NPTXR: variants seen among roughly 807,000 people sequenced by gnomAD.
NPTXR encodes neuronal pentraxin receptor.
NPTXR carries 12 observed loss-of-function variants against 32.2 expected under a neutral mutation model. That is an observed-to-expected ratio of 0.37 (90% CI 0.24 to 0.60). The LOEUF (loss-of-function observed/expected upper bound fraction) is 0.60. Among genes scored for constraint, NPTXR ranks in the 20% least tolerant of loss-of-function variants. NPTXR has a pLI of 0.66. For synonymous variants in NPTXR, 323 were observed against 315.8 expected (o/e 1.02, Z -0.24); for missense variants, 612 against 682.9 (o/e 0.90, Z 1.16).
In NPTXR at chr22:38,828,325, A is replaced by G. The variant is rs146892527; in HGVS notation, c.812T>C (p.Leu271Ser). The G allele has an allele frequency of 1.2e-6, 2 of 1,613,564 alleles. No homozygotes were observed. Among genetic ancestry groups the G allele is most frequent in the Non-Finnish European group, 1.7e-6 (2 of 1,180,020 alleles). The stretch of plus-strand genomic sequence containing the variant: ...AGCCACACGACCCTGCAGGACGTCC[A>G]ACTCCTTTTCCACTTCCTGCCTCTG... The change falls in exon 2 of 5, where the codon TTG becomes TCG. Residue 271 changes from leucine (L) to serine (S), a missense_variant. Physicochemically the swap from Leu to Ser is moderately radical, Grantham distance 145 (BLOSUM62 -2). Transcript: ENST00000333039.
rs956174986 is a variant in NPTXR, at chr22:38,819,493, T to C, written c.*3116A>G. ...TGGAGCAATGGTGCCCAGATGGCAC[T>C]CTACACAGGTGAGTGGGAACTCAGC... On this transcript the variant is annotated 3_prime_UTR_variant, in exon 5 of 5. Transcript: ENST00000333039. 6 of 152,294 alleles carry C rather than the reference T, an allele frequency of 3.9e-5. No individual in the cohort carries two copies. Among genetic ancestry groups the C allele is most frequent in the African/African-American group, 1.2e-4 (5 of 41,482 alleles). 9.4% of individuals were successfully genotyped at this position (152,294 alleles called of 1,614,324 possible). A position where few individuals can be genotyped will look rare whatever the true frequency, so the allele number is the denominator to read the frequency against.
chr22:38,835,713 C>T (rs1194586416), intron 1 of NPTXR, among the ~76,000 whole-genome samples: 3 of 152,170 alleles, frequency 2.0e-5, no homozygotes, highest in Non-Finnish European at 4.4e-5. Context: ...GGAGGTCCCC[C>T]ACCCCTAGCC....
chr22:38,835,063 A>G (rs1477044410), intron 1 of NPTXR, among the ~76,000 whole-genome samples: 1 of 152,188 alleles, frequency 6.6e-6, no homozygotes, highest in Non-Finnish European at 1.5e-5. Context: ...TAATAGTACC[A>G]TAGTTCTTGT....
Position 38,826,723 on chromosome 22 carries a change from T to C in NPTXR, c.875A>G (p.Asp292Gly). The change falls in exon 3 of 5, where the codon GAT becomes GGT. Residue 292 changes from aspartate to glycine, a missense_variant. Coordinates refer to ENST00000333039, the MANE Select transcript of NPTXR (RefSeq NM_014293.4). ...GATGGGGATGCTGATCTTGAAGGCA[T>C]CTGGAGGACTGTAGGCTGAGGACCC... is the stretch of plus-strand genomic sequence containing the variant. 1 of 1,614,026 alleles carries C rather than the reference T, an allele frequency of 6.2e-7. No homozygotes were observed. Among genetic ancestry groups the C allele is most frequent in the Non-Finnish European group, 8.5e-7 (1 of 1,179,966 alleles).
At chr22:38,825,442 G>T (rs2093104884) in intron 3 of NPTXR, among the ~76,000 whole-genome samples, 1 of 152,100 alleles carries the variant, frequency 6.6e-6, no homozygotes, top group South Asian at 2.1e-4. Flanking sequence ...TGAGTAAACT[G>T]CTTATTAGCA....
At chr22:38,841,261 G>A (rs532955189) in intron 1 of NPTXR, among the ~76,000 whole-genome samples, 13 of 152,358 alleles carry the variant, frequency 8.5e-5, no homozygotes, top group East Asian at 3.9e-4. Flanking sequence ...GCAGGGCCCC[G>A]CCCTTCTCTG....
chr22:38,838,415 A>C (rs563639286), intron 1 of NPTXR, among the ~76,000 whole-genome samples: 1 of 152,126 alleles, frequency 6.6e-6, no homozygotes, highest in African/African-American at 2.4e-5. Context: ...TATTATCAGC[A>C]GCAGCAGCAG....
chr22:38,826,967 C>A (rs1317535394), intron 2 of NPTXR, among the ~76,000 whole-genome samples: 1 of 152,226 alleles, frequency 6.6e-6, no homozygotes, highest in East Asian at 1.9e-4. Flanking sequence ...GTCTCCCCCA[C>A]TTCCCAGCCA....
chr22:38,831,575 T>C (rs963430603), intron 1 of NPTXR, among the ~76,000 whole-genome samples: 1 of 152,108 alleles, frequency 6.6e-6, no homozygotes, highest in African/African-American at 2.4e-5. Context: ...CAGGTGACAC[T>C]GGATGGCCCA....
At chr22:38,828,154 C>A (rs552745229) in intron 2 of NPTXR, 133 bp downstream of exon 2, 17 of 679,178 alleles carry the variant, frequency 2.5e-5, no homozygotes, top group African/African-American at 2.5e-4. Flanking sequence ...ATTCTCTCCA[C>A]TGTGTGTTCC....
rs775381952 is a variant in NPTXR, at chr22:38,826,633, C to T, written c.965G>A (p.Cys322Tyr). 1 of 1,614,264 alleles carries T rather than the reference C, an allele frequency of 6.2e-7. No individual in the cohort carries two copies. The highest frequency in any genetic ancestry group is 1.1e-5 in the South Asian group (1 of 91,090). The change falls in exon 3 of 5, where the codon TGC (cysteine) becomes TAC (tyrosine). Residue 322 changes from cysteine (C) to tyrosine (Y), a missense_variant. By Grantham distance (194) the Cys-to-Tyr change is radical (BLOSUM62 -2). Transcript: ENST00000333039. The stretch of plus-strand genomic sequence containing the variant: ...GCTGGACCTGGACCGCAGCCACATG[C>T]AGGCGGTGAATGCGTAGAGCTCGGG...
chr22:38,824,982 G>A (rs546572290), intron 3 of NPTXR, among the ~76,000 whole-genome samples: 4 of 152,330 alleles, frequency 2.6e-5, no homozygotes. Flanking sequence ...GCTGGTCACA[G>A]GTGGGTACGA....
In NPTXR at chr22:38,821,644, C is replaced by T. The variant is rs2093097263; in HGVS notation, c.*965G>A. On this transcript the variant is annotated 3_prime_UTR_variant, in exon 5 of 5. Transcript: ENST00000333039. ...AGGGCTGGCTAGGAACCAAGGTCTT[C>T]TCCCTCTCACCCAGTGCTCTGCTCA... The T allele has an allele frequency of 6.5e-6, 1 of 152,742 alleles. No individual in the cohort carries two copies. The highest frequency in any genetic ancestry group is 2.1e-4 in the South Asian group (1 of 4,838). 9.5% of individuals were successfully genotyped at this position (152,742 alleles called of 1,614,324 possible).
intron 1 of NPTXR, among the ~76,000 whole-genome samples, chr22:38,837,332 C>A: frequency 6.6e-6 from 1 of 152,190 alleles, no homozygotes; most frequent in East Asian, 1.9e-4. Flanking sequence ...CCACATCCTC[C>A]AACCAAAGCC....
chr22:38,838,730 C>T (rs1422593450), intron 1 of NPTXR, among the ~76,000 whole-genome samples: 4 of 151,966 alleles, frequency 2.6e-5, no homozygotes, highest in South Asian at 2.1e-4. Context: ...TACAGGTGCC[C>T]GCCACCATGC....
chr22:38,824,530 G>A (rs909241268), intron 3 of NPTXR, among the ~76,000 whole-genome samples: 3 of 152,210 alleles, frequency 2.0e-5, no homozygotes, highest in Admixed American at 1.3e-4. Flanking sequence ...CCGTCTGGAA[G>A]GACAATGGAT....
chr22:38,824,331 G>A (rs925871331), intron 3 of NPTXR, among the ~76,000 whole-genome samples: 1 of 152,034 alleles, frequency 6.6e-6, no homozygotes, highest in African/African-American at 2.4e-5. Flanking sequence ...TGAGGCCTAC[G>A]TGGTGCCTGG....
At chr22:38,831,930 T>C (rs2093116845) in intron 1 of NPTXR, among the ~76,000 whole-genome samples, 1 of 152,102 alleles carries the variant, frequency 6.6e-6, no homozygotes, top group African/African-American at 2.4e-5. Flanking sequence ...TTTTGAATTG[T>C]CTATAGCAAT....
At chr22:38,838,835 C>T (rs1320015963) in intron 1 of NPTXR, among the ~76,000 whole-genome samples, 1 of 152,102 alleles carries the variant, frequency 6.6e-6, no homozygotes, top group Non-Finnish European at 1.5e-5. Flanking sequence ...CCCACCTTGG[C>T]CTCCCAAAGT....
Sources: gnomAD v4.1 joint callset for allele counts (sites outside exome capture counted in the v4.1 genomes callset) on GRCh38, gnomAD v4.1.1 for gene constraint, MANE v1.5 for transcripts, NCBI Gene and HGNC (gene_info 2026-07-23, HGNC 2026-07-21) for gene names.